LSM1: variants seen among roughly 807,000 people sequenced by gnomAD.
LSM1 encodes the protein LSM1 homolog, mRNA degradation associated, also known as U6 snRNA-associated Sm-like protein LSm1.
LSM1 carries 13 observed loss-of-function variants against 18.0 expected under a neutral mutation model. The ratio of observed to expected loss-of-function variants is 0.72; its 90% CI spans 0.47 to 1.15. The LOEUF is 1.15. Ranked by LOEUF, LSM1 falls within the 50% of genes most tolerant of loss-of-function variation. The pLI, the probability that LSM1 is intolerant of heterozygous loss-of-function variation, is 0.00. For missense variants in LSM1, 152 were observed against 157.7 expected, an observed-to-expected ratio of 0.96 and a Z score of 0.19; for synonymous variants, 46 against 56.0, an observed-to-expected ratio of 0.82 and a Z score of 0.80.
At chr8:38,176,603 C>G (rs1803152785), upstream of LSM1, 5 of 565,802 alleles carry the variant, frequency 8.8e-6, no homozygotes, top group Non-Finnish European at 1.5e-5. Context: ...AGAGGAAACT[C>G]CATTGGATAA....
chr8:38,168,250 C>T (rs181913000), intron 3 of LSM1, among the ~76,000 whole-genome samples: 3 of 151,546 alleles, frequency 2.0e-5, no homozygotes, highest in Non-Finnish European at 4.4e-5. Context: ...CGTGAGGCAC[C>T]GCACCTGGCC....
Position 38,163,798 on chromosome 8 carries a change from T to C in LSM1, c.274A>G (p.Ile92Val). Reference protein sequence around the residue: ...ESDTPLQQVSIEEILEEQRVE... With the variant: ...ESDTPLQQVSVEEILEEQRVE... ...CTTTGTTCTTCTAGAATTTCTTCAA[T>C]GGATACTTGCTGGAGGGGTGTGTCA... The change falls in exon 4 of 4, where the codon ATT becomes GTT. Residue 92 changes from isoleucine (I) to valine (V), a missense_variant. Transcript: ENST00000311351. The C allele has an allele frequency of 6.2e-7, 1 of 1,614,220 alleles. No individual in the cohort carries two copies. Among genetic ancestry groups the C allele is most frequent in the Non-Finnish European group, 8.5e-7 (1 of 1,180,036 alleles).
intron 3 of LSM1, among the ~76,000 whole-genome samples, chr8:38,169,198 G>C (rs961773929): frequency 1.3e-5 from 2 of 152,062 alleles, no homozygotes; most frequent in Non-Finnish European, 2.9e-5. Flanking sequence ...ACTTCTAGTA[G>C]GGGTGTGTGT....
upstream of LSM1, chr8:38,176,725 A>C: frequency 9.0e-7 from 1 of 1,113,354 alleles, no homozygotes; most frequent in Admixed American, 3.6e-5. Flanking sequence ...GGGGTTCGGC[A>C]GCAGAAGGGG....
At chr8:38,165,297 G>T (rs1802910402) in intron 3 of LSM1, among the ~76,000 whole-genome samples, 1 of 152,062 alleles carries the variant, frequency 6.6e-6, no homozygotes, top group Non-Finnish European at 1.5e-5. Context: ...AGGTTGCAGT[G>T]AGCGGAGATC....
intron 3 of LSM1, among the ~76,000 whole-genome samples, chr8:38,164,785 A>G (rs1802902278): frequency 6.6e-6 from 1 of 152,096 alleles, no homozygotes; most frequent in Non-Finnish European, 1.5e-5. Flanking sequence ...GCAGTGAGCC[A>G]TGAATGTGTC....
In LSM1 at chr8:38,163,702, T is replaced by C. The variant is rs1802879140; in HGVS notation, c.370A>G (p.Ile124Val). Residue 124 changes from isoleucine (I) to valine (V), a missense_variant, in exon 4 of 4, where the codon ATT becomes GTT. Coordinates refer to ENST00000311351, the MANE Select transcript of LSM1 (RefSeq NM_014462.3). ...TCATCAAGAGTATCTGCTCGAGGAA[T>C]GGAAAGACCTCGGTCCTTCAGGGCC... ...VQALKDRGLS[I>V]PRADTLDEY is the part of the protein sequence containing the mutation. 1 of 1,614,082 alleles carries C rather than the reference T, an allele frequency of 6.2e-7. No individual in the cohort carries two copies. The highest frequency in any genetic ancestry group is 8.5e-7 in the Non-Finnish European group (1 of 1,180,044).
intron 2 of LSM1, 103 bp from the exon 3 acceptor site, chr8:38,170,020 A>T: frequency 1.7e-6 from 1 of 595,092 alleles, no homozygotes; most frequent in Non-Finnish European, 3.0e-6. Flanking sequence ...GGTAAACATG[A>T]TTTCCAAGCT....
chr8:38,165,309 C>T (rs945197901), intron 3 of LSM1, among the ~76,000 whole-genome samples: 5 of 151,806 alleles, frequency 3.3e-5, no homozygotes, highest in Non-Finnish European at 4.4e-5. Flanking sequence ...GCGGAGATCA[C>T]GCCATTGCAC....
intron 1 of LSM1, among the ~76,000 whole-genome samples, chr8:38,173,133 C>T (rs1050885028): frequency 5.3e-5 from 8 of 152,124 alleles, no homozygotes; most frequent in Non-Finnish European, 1.0e-4. Context: ...TACTAGCGCA[C>T]CCAGCAAAAT....
At chr8:38,169,171 TA>T (rs1005858238) in intron 3 of LSM1, among the ~76,000 whole-genome samples, 1 of 151,670 alleles carries the variant, frequency 6.6e-6, no homozygotes, top group Admixed American at 6.6e-5. Flanking sequence ...TAAGATACTT[TA>T]AAAAAAAATC....
chr8:38,163,649 C>T lies in LSM1; in HGVS notation c.*21G>A, dbSNP rs907657329. Reference sequence around the variant, plus strand: ...GTGACAGCCCCTACTCTTCAAGAGCCAACAGCCTCTGGGCAAAAGATTAGT... The same window carrying T: ...GTGACAGCCCCTACTCTTCAAGAGCTAACAGCCTCTGGGCAAAAGATTAGT... On this transcript the variant is annotated 3_prime_UTR_variant, in exon 4 of 4. Coordinates refer to ENST00000311351, the MANE Select transcript of LSM1 (RefSeq NM_014462.3). The T allele has an allele frequency of 8.9e-5, 143 of 1,612,314 alleles. No individual in the cohort carries two copies. The highest frequency in any genetic ancestry group is 1.1e-4 in the Non-Finnish European group (135 of 1,178,918).
At position 38,163,819 on chromosome 8, in the gene LSM1, T is replaced by G; in HGVS notation, c.253A>C (p.Thr85Pro). Reference protein sequence around the residue: ...GEIDLEKESDTPLQQVSIEEI... With the variant: ...GEIDLEKESDPPLQQVSIEEI... ...TCAATGGATACTTGCTGGAGGGGTGTGTCACTCTCCTTTTCCAAGTCCTAC... is the reference window on the plus strand; with the variant it reads ...TCAATGGATACTTGCTGGAGGGGTGGGTCACTCTCCTTTTCCAAGTCCTAC... Residue 85 changes from threonine to proline, a missense_variant, in exon 4 of 4, where the codon ACA becomes CCA. Coordinates refer to ENST00000311351, the MANE Select transcript of LSM1 (RefSeq NM_014462.3). The G allele has an allele frequency of 6.2e-7, 1 of 1,614,138 alleles. No individual in the cohort carries two copies. The highest frequency in any genetic ancestry group is 8.5e-7 in the Non-Finnish European group (1 of 1,179,996).
chr8:38,165,278 G>C (rs1233265742), intron 3 of LSM1, among the ~76,000 whole-genome samples: 2 of 151,930 alleles, frequency 1.3e-5, no homozygotes, highest in Non-Finnish European at 2.9e-5. Flanking sequence ...ACTTGAACCT[G>C]GGAGGCGGAG....
intron 2 of LSM1, 36 bp from the exon 3 acceptor site, chr8:38,169,953 T>C: frequency 9.3e-7 from 1 of 1,073,994 alleles, no homozygotes; most frequent in South Asian, 1.3e-5. Flanking sequence ...AGATATTTAG[T>C]TTAAACTACT....
At chr8:38,171,440 G>C (rs1327592293) in intron 2 of LSM1, among the ~76,000 whole-genome samples, 1 of 152,180 alleles carries the variant, frequency 6.6e-6, no homozygotes, top group Non-Finnish European at 1.5e-5. Flanking sequence ...AGCTGGGTGG[G>C]TGGATCACCT....
chr8:38,169,184 G>A (rs1802985137), intron 3 of LSM1, among the ~76,000 whole-genome samples: 1 of 152,064 alleles, frequency 6.6e-6, no homozygotes, highest in African/African-American at 2.4e-5. Context: ...AAAAAAATCT[G>A]AGTACTTCTA....
chr8:38,165,856 G>A (rs971565012), intron 3 of LSM1, among the ~76,000 whole-genome samples: 1 of 152,086 alleles, frequency 6.6e-6, no homozygotes, highest in Non-Finnish European at 1.5e-5. Flanking sequence ...AGTCAGCCTA[G>A]ATAACAAAGT....
At chr8:38,172,619 G>C (rs538150158) in intron 1 of LSM1, among the ~76,000 whole-genome samples, 16 of 152,294 alleles carry the variant, frequency 1.1e-4, no homozygotes, top group Non-Finnish European at 2.1e-4. Context: ...ATGGCGCCTA[G>C]CCAAAGACCC....
Sources: allele counts gnomAD v4.1 joint callset (sites outside exome capture counted in the v4.1 genomes callset), GRCh38; gene constraint gnomAD v4.1.1; transcripts MANE v1.5; gene names NCBI Gene and HGNC (gene_info 2026-07-23, HGNC 2026-07-21).